The following TLE3 variants were observed in gnomAD, a reference collection of about 807,000 sequenced individuals.
TLE3 encodes the protein transducin-like enhancer protein 3.
In TLE3, 14 loss-of-function variants were observed where a neutral mutation model predicts 93.0. The ratio of observed to expected loss-of-function variants is 0.15; its 90% CI spans 0.10 to 0.24. TLE3 has a LOEUF of 0.24. Among genes scored for constraint, TLE3 ranks in the 10% least tolerant of loss-of-function variants. The pLI is 1.00. For synonymous variants in TLE3, 451 were observed against 425.0 expected, an observed-to-expected ratio of 1.06 and a Z score of -0.75; for missense variants, 693 against 1,046.6, an observed-to-expected ratio of 0.66 and a Z score of 4.66.
chr15:70,062,797 G>A (rs1036917293), intron 8 of TLE3, among the ~76,000 whole-genome samples: 11 of 152,122 alleles, frequency 7.2e-5, no homozygotes, highest in African/African-American at 2.4e-4. Context: ...CACATGCCAT[G>A]CGCACAGCCT....
intron 6 of TLE3, chr15:70,066,917 C>T (rs1017118065): frequency 5.2e-6 from 2 of 386,586 alleles, no homozygotes; most frequent in Non-Finnish European, 1.1e-5. Flanking sequence ...TACTTCAAGT[C>T]CTGGAGCCTC....
chr15:70,068,162 T>C (rs1567015983), intron 6 of TLE3, among the ~76,000 whole-genome samples: 1 of 152,218 alleles, frequency 6.6e-6, no homozygotes, highest in Non-Finnish European at 1.5e-5. Flanking sequence ...ATACTAAAAA[T>C]AAGTAGACAT....
At chr15:70,094,216 C>G (rs2058442165) in intron 4 of TLE3, among the ~76,000 whole-genome samples, 1 of 151,834 alleles carries the variant, frequency 6.6e-6, no homozygotes, top group Non-Finnish European at 1.5e-5. Flanking sequence ...TAAAAGCAGC[C>G]AGCCACCTCT....
Position 70,094,553 on chromosome 15 carries a change from C to T in TLE3, c.213G>A (p.Leu71=). Residue 71 remains leucine (L), a synonymous_variant, in exon 4 of 20, where the codon TTG becomes TTA. Transcript: ENST00000451782. ...TTACCTGCTTGTGCATTTCAATGTT[C>T]AAGCCATAGGACATCTCATAGTACT... is the stretch of plus-strand genomic sequence containing the variant. The part of the protein sequence containing the change: ...YVMYYEMSYG[L]NIEMHKQTEI... 1 of 1,557,112 alleles carries T rather than the reference C, an allele frequency of 6.4e-7. No homozygotes were observed. The highest frequency in any genetic ancestry group is 8.7e-7 in the Non-Finnish European group (1 of 1,151,502).
chr15:70,066,002 G>GCCCCCCCCCCCCCCCCC lies in TLE3; in HGVS notation c.577+11_577+12insGGGGGGGGGGGGGGGGG. ...CTGCCCCGCCCCACCCTCTGCCCCAGCCCAGCCGCACCTCTGTGATCGAGT... is the reference window on the plus strand; with the variant it reads ...CTGCCCCGCCCCACCCTCTGCCCCAGCCCCCCCCCCCCCCCCCCCCAGCCGCACCTCTGTGATCGAGT... On this transcript the variant is annotated intron_variant, in intron 7 of 19. Transcript: ENST00000451782. The GCCCCCCCCCCCCCCCCC allele has an allele frequency of 5.2e-6, 4 of 766,096 alleles. No individual in the cohort carries two copies. The highest frequency in any genetic ancestry group is 1.9e-5 in the Admixed American group (1 of 51,912). The allele number at this position is 766,096 out of a possible 1,614,324, so 47.5% of individuals were successfully genotyped here.
intron 4 of TLE3, among the ~76,000 whole-genome samples, chr15:70,091,354 C>T (rs1275189542): frequency 6.6e-6 from 1 of 152,262 alleles, no homozygotes; most frequent in African/African-American, 2.4e-5. Context: ...AAATCCAATG[C>T]ATGGCAATTG....
In TLE3 at chr15:70,061,884, T is replaced by TCTCCA. The variant is rs1567002532; in HGVS notation, c.595-1236_595-1235insTGGAG. On this transcript the variant is annotated intron_variant, in intron 8 of 19. Coordinates refer to ENST00000451782, the MANE Select transcript of TLE3 (RefSeq NM_001105192.3). ...CCCAGTCCCCATGCAACACAGGAGG[T>TCTCCA]CATATGGAGACCCAGAGGGACATCT... Among the ~76,000 whole-genome samples the TCTCCA allele has an allele frequency of 8.9e-3, 1,345 of 151,884 alleles. 25 individuals are homozygous for TCTCCA. Among genetic ancestry groups the TCTCCA allele is most frequent in the African/African-American group, 0.032 (1,304 of 41,392 alleles).
At chr15:70,090,224 A>G (rs969746121) in intron 4 of TLE3, among the ~76,000 whole-genome samples, 24 of 151,800 alleles carry the variant, frequency 1.6e-4, no homozygotes, top group African/African-American at 5.6e-4. Context: ...CAGTGAGAGG[A>G]CTCGTGATTA....
rs975242457 is a variant in TLE3 at position 70,054,986 on chromosome 15, G to T, written c.1578+63C>A. ...GCCAGGCCCTGGGGCTCTCCCCTGT[G>T]GCCCAGGCTGCCCCATCCTCCTACA... On this transcript the variant is annotated intron_variant, in intron 15 of 19. Coordinates refer to ENST00000451782, the MANE Select transcript of TLE3 (RefSeq NM_001105192.3). 2.0e-6 allele frequency: 3 copies of T among 1,524,256 alleles called. No individual in the cohort carries two copies. The African/African-American group carries it at 4.1e-5, about 21-fold the overall frequency. 94.4% of individuals were successfully genotyped at this position (1,524,256 alleles called of 1,614,324 possible).
chr15:70,067,775 C>T (rs2056902157), intron 6 of TLE3, among the ~76,000 whole-genome samples: 1 of 152,236 alleles, frequency 6.6e-6, no homozygotes, highest in Admixed American at 6.5e-5. Flanking sequence ...CCAAAGTTAA[C>T]GGCAGCCACA....
intron 4 of TLE3, among the ~76,000 whole-genome samples, chr15:70,086,918 G>A (rs1433732508): frequency 6.6e-6 from 1 of 152,102 alleles, no homozygotes; most frequent in African/African-American, 2.4e-5. Flanking sequence ...TAGATGAAAA[G>A]AAAAAGATGC....
At chr15:70,063,079 T>A (rs576027634) in intron 8 of TLE3, among the ~76,000 whole-genome samples, 1 of 152,338 alleles carries the variant, frequency 6.6e-6, no homozygotes, top group Non-Finnish European at 1.5e-5. Context: ...GGGTCCCTGC[T>A]AGCCAGGTAA....
chr15:70,092,575 C>T (rs2058357449), intron 4 of TLE3, among the ~76,000 whole-genome samples: 4 of 152,198 alleles, frequency 2.6e-5, no homozygotes. Context: ...CCACTGGCAG[C>T]TGAGAGGATT....
chr15:70,052,262 T>C (rs1266214941), intron 18 of TLE3, 112 bp downstream of exon 18: 1 of 1,397,484 alleles, frequency 7.2e-7, no homozygotes, highest in South Asian at 1.4e-5. Flanking sequence ...GAGGCCTGGT[T>C]CCAGGGCCTA....
intron 4 of TLE3, among the ~76,000 whole-genome samples, chr15:70,083,483 C>T (rs565933542): frequency 1.3e-5 from 2 of 151,606 alleles, no homozygotes; most frequent in East Asian, 3.9e-4. Flanking sequence ...TACCTTCCCC[C>T]AACACTGCCC....
intron 19 of TLE3, 147 bp downstream of exon 19, chr15:70,051,244 A>T: frequency 1.5e-6 from 1 of 687,844 alleles, no homozygotes. Flanking sequence ...CTCCCCTATC[A>T]GGTAGGGGTG....
rs575035941 is a variant in TLE3, at chr15:70,089,322, C to T, written c.234+5210G>A. Among the ~76,000 whole-genome samples the T allele has an allele frequency of 5.3e-5, 8 of 152,186 alleles. No individual in the cohort carries two copies. In the South Asian group the frequency reaches 8.3e-4, roughly 16 times the overall value. On this transcript the variant is annotated intron_variant, in intron 4 of 19. Transcript: ENST00000451782. The stretch of plus-strand genomic sequence containing the variant: ...CATTGCAATTACTTCTTTAGACATC[C>T]GACTCCCCCGCAGAGGGAATGGTGT...
intron 7 of TLE3, among the ~76,000 whole-genome samples, chr15:70,064,687 A>T (rs764281711): frequency 1.3e-5 from 2 of 152,186 alleles, no homozygotes; most frequent in African/African-American, 2.4e-5. Context: ...TTGCCACCCA[A>T]ATTCCAATGC....
intron 16 of TLE3, 167 bp downstream of exon 16, chr15:70,054,271 G>A (rs990352055): frequency 2.4e-5 from 23 of 963,272 alleles, no homozygotes; most frequent in African/African-American, 3.3e-5. Flanking sequence ...TCTGTCCCTC[G>A]CATAAGGCAG....
Sources: allele counts gnomAD v4.1 joint callset (sites outside exome capture counted in the v4.1 genomes callset), GRCh38; gene constraint gnomAD v4.1.1; transcripts MANE v1.5; gene names NCBI Gene and HGNC (gene_info 2026-07-23, HGNC 2026-07-21).